The following ADGRV1 variants were observed in gnomAD, a reference collection of about 807,000 sequenced individuals.
The protein encoded by ADGRV1 is adhesion G protein-coupled receptor V1.
Under a neutral mutation model 596.2 loss-of-function variants are expected in ADGRV1, and 359 were observed. That is an observed-to-expected ratio of 0.60 (90% confidence interval 0.55 to 0.66). ADGRV1 has a LOEUF of 0.66. Ranked by LOEUF, ADGRV1 falls within the 30% of genes least tolerant of loss-of-function variation. The pLI is 0.00. For missense variants in ADGRV1, 7,274 were observed against 7,575.6 expected (o/e 0.96, Z 1.48); for synonymous variants, 2,681 against 2,679.2 (o/e 1.00, Z -0.02).
At chr5:90,644,651 C>T in intron 14 of ADGRV1, 55 bp from the exon 15 acceptor site, 3 of 1,393,568 alleles carry the variant, frequency 2.2e-6, no homozygotes, top group Non-Finnish European at 3.0e-6. Flanking sequence ...CTTTACTCAT[C>T]ATTTTAAAAG....
At chr5:91,118,219 A>G (rs1021198995) in intron 87 of ADGRV1, among the ~76,000 whole-genome samples, 2 of 152,282 alleles carry the variant, frequency 1.3e-5, no homozygotes, top group Admixed American at 1.3e-4. Flanking sequence ...TGGGGAGAGC[A>G]TAGTTATCCT....
At chr5:90,881,808 T>C (rs182266008) in intron 83 of ADGRV1, among the ~76,000 whole-genome samples, 1 of 152,260 alleles carries the variant, frequency 6.6e-6, no homozygotes, top group East Asian at 1.9e-4. Flanking sequence ...TATTGCAGCC[T>C]CAAATTCCTG....
chr5:90,837,824 C>A (rs535151745), intron 77 of ADGRV1, among the ~76,000 whole-genome samples: 1 of 152,210 alleles, frequency 6.6e-6, no homozygotes, highest in African/African-American at 2.4e-5. Context: ...AGAAATTTAA[C>A]TTTATCTGAA....
chr5:90,774,914 CAT>C (rs1398254772), intron 60 of ADGRV1, among the ~76,000 whole-genome samples: 1 of 152,116 alleles, frequency 6.6e-6, no homozygotes, highest in Non-Finnish European at 1.5e-5. Flanking sequence ...TTAAATGTGT[CAT>C]ATTATGTTTA....
At chr5:90,898,879 G>A (rs1053536854) in intron 83 of ADGRV1, among the ~76,000 whole-genome samples, 3 of 152,150 alleles carry the variant, frequency 2.0e-5, no homozygotes, top group East Asian at 3.9e-4. Context: ...TCAGGGGCTC[G>A]AGGCTGCAGT....
At chr5:90,620,095 T>C (rs538054755) in intron 4 of ADGRV1, among the ~76,000 whole-genome samples, 9,531 of 150,426 alleles carry the variant, frequency 0.063, 371 homozygotes, top group South Asian at 0.11. Context: ...GCATGATTTA[T>C]AATCCTTTGG....
At chr5:90,959,932 G>A (rs1416835227) in intron 83 of ADGRV1, among the ~76,000 whole-genome samples, 3 of 152,224 alleles carry the variant, frequency 2.0e-5, no homozygotes, top group African/African-American at 7.2e-5. Context: ...GAGGTCAGGA[G>A]ATCAAGACCA....
chr5:91,049,434 G>A (rs1185753530), intron 85 of ADGRV1, among the ~76,000 whole-genome samples: 3 of 151,870 alleles, frequency 2.0e-5, no homozygotes, highest in Admixed American at 6.6e-5. Flanking sequence ...GATTATTTCA[G>A]CATTTTAAAA....
intron 86 of ADGRV1, among the ~76,000 whole-genome samples, chr5:91,100,056 A>G (rs1431257282): frequency 6.6e-6 from 1 of 152,160 alleles, no homozygotes; most frequent in Non-Finnish European, 1.5e-5. Flanking sequence ...TAGTAGAATG[A>G]TGAGGATATA....
intron 87 of ADGRV1, among the ~76,000 whole-genome samples, chr5:91,133,151 A>T (rs1056521860): frequency 2.6e-5 from 4 of 152,142 alleles, no homozygotes; most frequent in African/African-American, 9.7e-5. Context: ...GTACGTGTGC[A>T]GGTTTGTTAT....
intron 85 of ADGRV1, among the ~76,000 whole-genome samples, chr5:91,046,012 C>A (rs1319051029): frequency 6.6e-6 from 1 of 152,062 alleles, no homozygotes; most frequent in Non-Finnish European, 1.5e-5. Flanking sequence ...TGAAAGAAAT[C>A]ATAGACAACA....
At chr5:90,952,356 C>T (rs139588030) in intron 83 of ADGRV1, among the ~76,000 whole-genome samples, 1 of 152,136 alleles carries the variant, frequency 6.6e-6, no homozygotes, top group African/African-American at 2.4e-5. Flanking sequence ...TCTGATCAGC[C>T]AATTGTGGAA....
At chr5:90,813,524 A>C (rs1363693497) in intron 74 of ADGRV1, among the ~76,000 whole-genome samples, 13 of 152,186 alleles carry the variant, frequency 8.5e-5, no homozygotes, top group Admixed American at 8.5e-4. Context: ...CTCAACAGGC[A>C]AATGGTAACT....
At chr5:90,724,175 A>G (rs903043334) in intron 45 of ADGRV1, among the ~76,000 whole-genome samples, 2 of 152,172 alleles carry the variant, frequency 1.3e-5, no homozygotes, top group Admixed American at 6.5e-5. Flanking sequence ...TCAGCTTTAC[A>G]GAAGTTGATA....
intron 85 of ADGRV1, among the ~76,000 whole-genome samples, chr5:91,034,258 A>G (rs1784698472): frequency 6.6e-6 from 1 of 152,166 alleles, no homozygotes; most frequent in Non-Finnish European, 1.5e-5. Context: ...CTACAAATGC[A>G]TTACATTTAA....
intron 83 of ADGRV1, among the ~76,000 whole-genome samples, chr5:90,875,964 A>G (rs1192779320): frequency 2.0e-5 from 3 of 152,210 alleles, no homozygotes; most frequent in African/African-American, 7.2e-5. Flanking sequence ...TATAAATATC[A>G]AGGTTATTAC....
intron 21 of ADGRV1, among the ~76,000 whole-genome samples, chr5:90,671,378 C>G (rs1245642721): frequency 6.6e-6 from 1 of 152,178 alleles, no homozygotes; most frequent in African/African-American, 2.4e-5. Flanking sequence ...CCCCACTGAC[C>G]TATCACCTGG....
intron 80 of ADGRV1, 79 bp from the exon 81 acceptor site, chr5:90,853,983 A>G: frequency 4.9e-6 from 5 of 1,016,700 alleles, no homozygotes; most frequent in Non-Finnish European, 7.3e-6. Context: ...TAGAAAAATG[A>G]AGTCAAGTTC....
Position 90,859,580 on chromosome 5 carries a change from C to T in ADGRV1, c.17755+3679C>T, listed in dbSNP as rs574732357. On this transcript the variant is annotated intron_variant, in intron 82 of 89. Coordinates refer to ENST00000405460, the MANE Select transcript of ADGRV1 (RefSeq NM_032119.4). Reference sequence around the variant, plus strand: ...CCTGGGTAGCTGGGATTACAGGCACCGTGCCGGGATAATTTAAAAAATTAT... The same window carrying T: ...CCTGGGTAGCTGGGATTACAGGCACTGTGCCGGGATAATTTAAAAAATTAT... Among the ~76,000 whole-genome samples the T allele has an allele frequency of 1.7e-4, 26 of 151,978 alleles. No individual in the cohort carries two copies. In the South Asian group the frequency reaches 2.9e-3, roughly 17 times the overall value.
Sources: gnomAD v4.1 joint callset for allele counts (sites outside exome capture counted in the v4.1 genomes callset) on GRCh38, gnomAD v4.1.1 for gene constraint, MANE v1.5 for transcripts, NCBI Gene and HGNC (gene_info 2026-07-23, HGNC 2026-07-21) for gene names.